The following SPAG16 variants were observed in gnomAD, a reference collection of about 807,000 sequenced individuals.
SPAG16 encodes the protein sperm associated antigen 16, also known as sperm-associated antigen 16 protein.
A neutral mutation model predicts 80.4 loss-of-function variants in SPAG16; 86 were observed. That is an observed-to-expected ratio of 1.07 (90% CI 0.90 to 1.28). The LOEUF (loss-of-function observed/expected upper bound fraction) is 1.28, where lower values mean the gene tolerates loss of function less well. Ranked by LOEUF, SPAG16 falls within the 50% of genes most tolerant of loss-of-function variation. The pLI is 0.00. For synonymous variants in SPAG16, 294 were observed against 265.9 expected (o/e 1.11, Z -1.03); for missense variants, 870 against 765.3 (o/e 1.14, Z -1.61).
chr2:213,970,742 C>T (rs1281861732), intron 12 of SPAG16, among the ~76,000 whole-genome samples: 3 of 152,138 alleles, frequency 2.0e-5, no homozygotes, highest in Non-Finnish European at 4.4e-5. Flanking sequence ...TATGCATGAA[C>T]ATAAACAATT....
In SPAG16 at chr2:213,366,752, T is replaced by C. The variant is rs143165641; in HGVS notation, c.832+2607T>C. Among the ~76,000 whole-genome samples the C allele has an allele frequency of 3.5e-3, 534 of 152,298 alleles. 21 individuals are homozygous for C. The highest frequency in any genetic ancestry group is 0.03 in the Admixed American group (464 of 15,290). ...CACCAAGTGTCCATTGATAGATGAA[T>C]GGATAAGCAAAATGTGGTTTTTACA... is the stretch of plus-strand genomic sequence containing the variant. On this transcript the variant is annotated intron_variant, in intron 8 of 15. Coordinates refer to ENST00000331683, the MANE Select transcript of SPAG16 (RefSeq NM_024532.5).
Position 213,995,097 on chromosome 2 carries a change from C to T in SPAG16, c.1401-18854C>T, listed in dbSNP as rs578019062. 2.6e-5 allele frequency among the ~76,000 whole-genome samples: 4 copies of T among 152,308 alleles called. No homozygotes were observed. In the South Asian group the frequency reaches 6.2e-4, roughly 24 times the overall value. ...ATGCTAGTTGAGAAGACTTCTCATG[C>T]GTCCTCCTCATTTCATAAGCATAGA... On this transcript the variant is annotated intron_variant, in intron 12 of 15. Coordinates refer to ENST00000331683, the MANE Select transcript of SPAG16 (RefSeq NM_024532.5).
At chr2:214,014,414 G>A (rs1267358849) in intron 13 of SPAG16, among the ~76,000 whole-genome samples, 2 of 152,192 alleles carry the variant, frequency 1.3e-5, no homozygotes, top group Non-Finnish European at 2.9e-5. Flanking sequence ...GAAGAGAAAC[G>A]AGAGATTATT....
At chr2:214,305,686 G>T (rs781633760) in intron 15 of SPAG16, among the ~76,000 whole-genome samples, 3 of 152,042 alleles carry the variant, frequency 2.0e-5, no homozygotes, top group African/African-American at 7.2e-5. Context: ...AGTTGTAGCT[G>T]TTCAGTCTTA....
At chr2:213,505,902 A>G (rs1334822495) in intron 10 of SPAG16, among the ~76,000 whole-genome samples, 2 of 151,700 alleles carry the variant, frequency 1.3e-5, no homozygotes, top group African/African-American at 4.8e-5. Context: ...TTGTTTATAT[A>G]TCTGATTAAT....
chr2:214,388,876 A>G (rs1382289205), intron 15 of SPAG16, among the ~76,000 whole-genome samples: 1 of 152,190 alleles, frequency 6.6e-6, no homozygotes, highest in Non-Finnish European at 1.5e-5. Context: ...CTTTTCTGAG[A>G]ACATTGCCTG....
intron 11 of SPAG16, among the ~76,000 whole-genome samples, chr2:213,921,662 C>A (rs1353730567): frequency 6.6e-6 from 1 of 152,140 alleles, no homozygotes; most frequent in Non-Finnish European, 1.5e-5. Flanking sequence ...TTTGTAGTGG[C>A]TGATAATGAT....
rs2066142411 is a variant in SPAG16, at chr2:213,364,056, CT to C, written c.763-17del. ...AGTCATTTAGTGTATAATTTCATTT[CT>C]TTGAATTTTACTTTTTAGATTTCTG... On this transcript the variant is annotated intron_variant, in intron 7 of 15. Transcript: ENST00000331683. 2.3e-6 allele frequency: 3 copies of C among 1,327,284 alleles called. No homozygotes were observed. Among genetic ancestry groups the C allele is most frequent in the Middle Eastern group, 2.3e-4 (1 of 4,402 alleles). 82.2% of individuals were successfully genotyped at this position (1,327,284 alleles called of 1,614,324 possible).
At position 213,422,316 on chromosome 2, in the gene SPAG16, T is replaced by A. The variant is rs536918803; in HGVS notation, c.942+47197T>A. ...CACAGCAGAAGTTGCTTGGAGTGCA[T>A]CTGATCCAGCTCCAGGCTTACACAG... On this transcript the variant is annotated intron_variant, in intron 9 of 15. Transcript: ENST00000331683. 2.0e-5 allele frequency: 14 copies of A among 701,588 alleles called. No individual in the cohort carries two copies. In the Admixed American group the frequency reaches 2.8e-4, roughly 14 times the overall value. The allele number at this position is 701,588 out of a possible 1,614,324, so 43.5% of individuals were successfully genotyped here. A position where few individuals can be genotyped will look rare whatever the true frequency, so the allele number is the denominator to read the frequency against.
intron 10 of SPAG16, among the ~76,000 whole-genome samples, chr2:213,691,869 A>G (rs1436600963): frequency 6.6e-6 from 1 of 152,244 alleles, no homozygotes; most frequent in South Asian, 2.1e-4. Context: ...TGGCTAATAC[A>G]TAGTGGAATT....
At chr2:213,926,624 AT>A (rs1322136871) in intron 11 of SPAG16, among the ~76,000 whole-genome samples, 4 of 151,676 alleles carry the variant, frequency 2.6e-5, no homozygotes, top group Admixed American at 2.0e-4. Flanking sequence ...CTAAATATAT[AT>A]TTTTTTCAGA....
intron 10 of SPAG16, among the ~76,000 whole-genome samples, chr2:213,542,538 C>A (rs1341505341): frequency 6.6e-6 from 1 of 151,964 alleles, no homozygotes; most frequent in Non-Finnish European, 1.5e-5. Context: ...AATTACTTAC[C>A]CTCACTGATG....
intron 15 of SPAG16, among the ~76,000 whole-genome samples, chr2:214,369,652 CCT>C (rs1276731085): frequency 6.6e-6 from 1 of 151,818 alleles, no homozygotes; most frequent in African/African-American, 2.4e-5. Context: ...TGTGGCATGC[CCT>C]CTTTCTTTCC....
intron 9 of SPAG16, among the ~76,000 whole-genome samples, chr2:213,453,705 T>C (rs560406634): frequency 6.6e-6 from 1 of 152,198 alleles, no homozygotes; most frequent in South Asian, 2.1e-4. Context: ...CACCAGGCAG[T>C]GAGTGTGGCA....
At chr2:214,344,991 A>G (rs1406871710) in intron 15 of SPAG16, among the ~76,000 whole-genome samples, 1 of 152,084 alleles carries the variant, frequency 6.6e-6, no homozygotes, top group Non-Finnish European at 1.5e-5. Context: ...TGACCCATTT[A>G]TCAATTTTTA....
chr2:214,348,341 A>G (rs1349789309), intron 15 of SPAG16, among the ~76,000 whole-genome samples: 1 of 152,224 alleles, frequency 6.6e-6, no homozygotes, highest in African/African-American at 2.4e-5. Flanking sequence ...ATTTGCGACC[A>G]GAGGTTGGGC....
At chr2:214,351,333 T>A (rs1170457032) in intron 15 of SPAG16, among the ~76,000 whole-genome samples, 3 of 152,164 alleles carry the variant, frequency 2.0e-5, no homozygotes, top group African/African-American at 7.2e-5. Context: ...TAAAGTTATC[T>A]ATCAATTATA....
chr2:213,449,084 T>TG (rs890181522), intron 9 of SPAG16, among the ~76,000 whole-genome samples: 24 of 152,080 alleles, frequency 1.6e-4, no homozygotes, highest in Non-Finnish European at 3.4e-4. Flanking sequence ...AATGTGTTCC[T>TG]GGGGGGAGGT....
chr2:213,553,881 C>A (rs1001216005), intron 10 of SPAG16, among the ~76,000 whole-genome samples: 1 of 152,216 alleles, frequency 6.6e-6, no homozygotes, highest in Admixed American at 6.5e-5. Context: ...TGCACTCCTG[C>A]AGACTCCTCT....
Sources: allele counts gnomAD v4.1 joint callset (sites outside exome capture counted in the v4.1 genomes callset), GRCh38; gene constraint gnomAD v4.1.1; transcripts MANE v1.5; gene names NCBI Gene and HGNC (gene_info 2026-07-23, HGNC 2026-07-21).